GPR158: variants seen among roughly 807,000 people sequenced by gnomAD.
GPR158 encodes metabotropic glycine receptor.
Under a neutral mutation model 78.2 loss-of-function variants are expected in GPR158, and 30 were observed. The ratio of observed to expected loss-of-function variants is 0.38; its 90% confidence interval spans 0.29 to 0.52. The LOEUF is 0.52. Among genes scored for constraint, GPR158 ranks in the 20% least tolerant of loss-of-function variants. The pLI is 0.83. For missense variants in GPR158, 1,463 were observed against 1,523.5 expected (o/e 0.96, Z 0.66); for synonymous variants, 581 against 591.1 (o/e 0.98, Z 0.25).
intron 2 of GPR158, among the ~76,000 whole-genome samples, chr10:25,351,152 A>G (rs1855461304): frequency 6.6e-6 from 1 of 151,612 alleles, no homozygotes; most frequent in Non-Finnish European, 1.5e-5. Context: ...AAACATATAA[A>G]CTCTCAACCT....
intron 1 of GPR158, among the ~76,000 whole-genome samples, chr10:25,206,862 C>CTA (rs1335101482): frequency 8.8e-6 from 1 of 113,700 alleles, no homozygotes; most frequent in Non-Finnish European, 2.0e-5. Context: ...TACTTGTGAG[C>CTA]TAACAAGCTT....
Position 25,303,727 on chromosome 10 carries a change from AAT to A in GPR158, c.1008+82573_1008+82574del, listed in dbSNP as rs1364883535. Among the ~76,000 whole-genome samples the A allele has an allele frequency of 3.3e-5, 5 of 152,360 alleles. No homozygotes were observed. In the East Asian group the frequency reaches 9.6e-4, roughly 29 times the overall value. On this transcript the variant is annotated intron_variant, in intron 2 of 10. Coordinates refer to ENST00000376351, the MANE Select transcript of GPR158 (RefSeq NM_020752.3). Reference sequence around the variant, plus strand: ...CTTCTGAGAAATCCTGGAGAAAGGCAATATGTTTTATTTTGTTTATTAACCTA... The same window carrying A: ...CTTCTGAGAAATCCTGGAGAAAGGCAATGTTTTATTTTGTTTATTAACCTA...
chr10:25,286,511 T>G (rs990588606), intron 2 of GPR158, among the ~76,000 whole-genome samples: 1 of 152,124 alleles, frequency 6.6e-6, no homozygotes, highest in African/African-American at 2.4e-5. Flanking sequence ...ATTAGCACCT[T>G]TAACATATCA....
intron 2 of GPR158, among the ~76,000 whole-genome samples, chr10:25,287,540 C>A (rs1029518342): frequency 6.6e-6 from 1 of 152,108 alleles, no homozygotes; most frequent in Non-Finnish European, 1.5e-5. Context: ...TGGTGTGAAT[C>A]TCCCTTTTAT....
intron 3 of GPR158, among the ~76,000 whole-genome samples, chr10:25,397,361 G>A (rs1834374606): frequency 6.6e-6 from 1 of 152,170 alleles, no homozygotes; most frequent in African/African-American, 2.4e-5. Context: ...AGACTGTAGT[G>A]GTAACAGGGG....
chr10:25,274,723 G>T (rs1854160686), intron 2 of GPR158, among the ~76,000 whole-genome samples: 3 of 152,144 alleles, frequency 2.0e-5, no homozygotes, highest in African/African-American at 7.2e-5. Context: ...TATTAGGTAG[G>T]CACTGAAGAG....
intron 5 of GPR158, among the ~76,000 whole-genome samples, chr10:25,515,286 T>A (rs892607540): frequency 6.6e-6 from 1 of 152,144 alleles, no homozygotes; most frequent in African/African-American, 2.4e-5. Context: ...ATTCTATAGC[T>A]GAGACTTTCC....
At chr10:25,273,450 T>C (rs1171437675) in intron 2 of GPR158, among the ~76,000 whole-genome samples, 2 of 147,982 alleles carry the variant, frequency 1.4e-5, no homozygotes, top group African/African-American at 5.0e-5. Context: ...AGATTTTTGG[T>C]TGTTTTCCCA....
At chr10:25,340,717 A>G (rs1363782315) in intron 2 of GPR158, among the ~76,000 whole-genome samples, 1 of 152,002 alleles carries the variant, frequency 6.6e-6, no homozygotes, top group African/African-American at 2.4e-5. Context: ...TGTAGAAAAG[A>G]GCTTAAAAAA....
chr10:25,416,839 A>AAAG (rs200602770), intron 4 of GPR158, among the ~76,000 whole-genome samples: 2,563 of 152,290 alleles, frequency 0.017, 26 homozygotes, highest in Non-Finnish European at 0.027. Context: ...ATGAAATAAA[A>AAAG]ACACTTCTAG....
chr10:25,184,022 TTAC>T (rs1852648998), intron 1 of GPR158, among the ~76,000 whole-genome samples: 1 of 152,202 alleles, frequency 6.6e-6, no homozygotes, highest in African/African-American at 2.4e-5. Context: ...ACAAGGCATC[TTAC>T]AATTAATGCC....
At chr10:25,536,656 G>C (rs7090998) in intron 5 of GPR158, among the ~76,000 whole-genome samples, 81,923 of 152,102 alleles carry the variant, frequency 0.54, 24,269 homozygotes, top group African/African-American at 0.79. Context: ...TATCTTAGCT[G>C]ATAAACTGCA....
At chr10:25,454,473 GA>G (rs1434007192) in intron 4 of GPR158, among the ~76,000 whole-genome samples, 1 of 152,148 alleles carries the variant, frequency 6.6e-6, no homozygotes, top group Non-Finnish European at 1.5e-5. Flanking sequence ...GAATTACTTT[GA>G]AATATGTGCC....
chr10:25,292,737 C>G (rs1363383184), intron 2 of GPR158, among the ~76,000 whole-genome samples: 1 of 152,042 alleles, frequency 6.6e-6, no homozygotes, highest in East Asian at 1.9e-4. Context: ...TTTTAACTTC[C>G]TCTCCCCACA....
intron 2 of GPR158, among the ~76,000 whole-genome samples, chr10:25,370,077 G>A (rs922330507): frequency 6.7e-6 from 1 of 148,902 alleles, no homozygotes; most frequent in Non-Finnish European, 1.5e-5. Flanking sequence ...TATTAGTCTT[G>A]CTAGCGGTCT....
chr10:25,570,017 T>A (rs1445588789), intron 6 of GPR158, among the ~76,000 whole-genome samples: 3 of 152,182 alleles, frequency 2.0e-5, no homozygotes, highest in Non-Finnish European at 2.9e-5. Flanking sequence ...CTTGCCAAAC[T>A]ATGGAAGAAA....
chr10:25,225,165 C>A (rs543981538), intron 2 of GPR158, among the ~76,000 whole-genome samples: 1 of 146,116 alleles, frequency 6.8e-6, no homozygotes, highest in Non-Finnish European at 1.5e-5. Flanking sequence ...AACAGATCAG[C>A]AGATTTGGAA....
intron 4 of GPR158, among the ~76,000 whole-genome samples, chr10:25,437,188 T>C (rs1835007689): frequency 6.6e-6 from 1 of 152,178 alleles, no homozygotes; most frequent in Admixed American, 6.5e-5. Flanking sequence ...TTTATTACAT[T>C]TAGGAAAACT....
At chr10:25,557,076 C>T (rs1235957561) in intron 6 of GPR158, among the ~76,000 whole-genome samples, 1 of 152,148 alleles carries the variant, frequency 6.6e-6, no homozygotes, top group African/African-American at 2.4e-5. Flanking sequence ...TATAAATTTT[C>T]TTCATGATTT....
Sources: allele counts gnomAD v4.1 joint callset (sites outside exome capture counted in the v4.1 genomes callset), GRCh38; gene constraint gnomAD v4.1.1; transcripts MANE v1.5; gene names NCBI Gene and HGNC (gene_info 2026-07-23, HGNC 2026-07-21).